The following MBD3L1 variants were observed in gnomAD, a reference collection of about 807,000 sequenced individuals.
MBD3L1 encodes methyl-CpG binding domain protein 3 like 1.
For missense variants in MBD3L1, 203 were observed against 230.1 expected, an observed-to-expected ratio of 0.88 and a Z score of 0.76; for synonymous variants, 84 against 85.1, an observed-to-expected ratio of 0.99 and a Z score of 0.07.
At chr19:8,833,910 C>T (rs890680403) in intron 1 of MBD3L1, among the ~76,000 whole-genome samples, 1 of 152,066 alleles carries the variant, frequency 6.6e-6, no homozygotes, top group Non-Finnish European at 1.5e-5. Context: ...ATAGCTTGAA[C>T]TCGGGAGGTG....
At chr19:8,839,040 G>C (rs115113676) in intron 1 of MBD3L1, among the ~76,000 whole-genome samples, 5,489 of 152,166 alleles carry the variant, frequency 0.036, 113 homozygotes, top group Middle Eastern at 0.13. Context: ...CTCCACATGA[G>C]ACCTTTTAAA....
chr19:8,837,602 A>C (rs1213343865), intron 1 of MBD3L1, among the ~76,000 whole-genome samples: 1 of 152,052 alleles, frequency 6.6e-6, no homozygotes, highest in Admixed American at 6.6e-5. Flanking sequence ...GCAGAGTGCA[A>C]AGTTTTGCCT....
chr19:8,839,270 C>T (rs1267498749), intron 1 of MBD3L1, among the ~76,000 whole-genome samples: 4 of 150,524 alleles, frequency 2.7e-5, no homozygotes, highest in Non-Finnish European at 5.9e-5. Context: ...CTGCAAGCTC[C>T]GCCTCCCAGG....
chr19:8,835,123 C>T (rs1327297489), intron 1 of MBD3L1, among the ~76,000 whole-genome samples: 1 of 151,334 alleles, frequency 6.6e-6, no homozygotes, highest in Non-Finnish European at 1.5e-5. Context: ...ACCATTTTGG[C>T]TCACTGCATC....
rs2044527037 is a variant in MBD3L1, at chr19:8,842,873, C to G, written c.195C>G (p.Val65=). 1.9e-6 allele frequency: 3 copies of G among 1,614,122 alleles called. No individual in the cohort carries two copies. In the Admixed American group the frequency reaches 5.0e-5, roughly 27 times the overall value. Residue 65 remains valine (V), a synonymous_variant, in exon 3 of 3, where the codon GTC becomes GTG. Coordinates refer to ENST00000595891, the MANE Select transcript of MBD3L1 (RefSeq NM_001393532.1). ...WEESLEKPQQ[V]CWQRRLQGLQ... Reference sequence around the variant, plus strand: ...AGAGCTTGGAGAAGCCTCAGCAGGTCTGCTGGCAGAGGAGACTGCAGGGAC... The same window carrying G: ...AGAGCTTGGAGAAGCCTCAGCAGGTGTGCTGGCAGAGGAGACTGCAGGGAC...
chr19:8,833,938 A>G (rs1212591507), intron 1 of MBD3L1, among the ~76,000 whole-genome samples: 7 of 152,122 alleles, frequency 4.6e-5, no homozygotes, highest in Non-Finnish European at 7.4e-5. Flanking sequence ...AAGTGAGCCG[A>G]GATTGCAGCC....
intron 1 of MBD3L1, among the ~76,000 whole-genome samples, chr19:8,838,025 G>C (rs2145347575): frequency 6.6e-6 from 1 of 151,774 alleles, no homozygotes; most frequent in East Asian, 1.9e-4. Flanking sequence ...GAGGCGGGCG[G>C]ATCATGACAT....
chr19:8,832,836 C>A (rs566081439), intron 1 of MBD3L1, among the ~76,000 whole-genome samples: 91 of 150,506 alleles, frequency 6.0e-4, no homozygotes, highest in African/African-American at 2.1e-3. Context: ...GTTGTGACAG[C>A]CCTGGAGGTT....
chr19:8,834,649 C>G (rs545654518), intron 1 of MBD3L1, among the ~76,000 whole-genome samples: 2 of 138,892 alleles, frequency 1.4e-5, no homozygotes, highest in African/African-American at 5.3e-5. Context: ...AAAAAAAAAA[C>G]CAACCAACCA....
At chr19:8,838,979 T>TC (rs778410207) in intron 1 of MBD3L1, among the ~76,000 whole-genome samples, 11 of 152,234 alleles carry the variant, frequency 7.2e-5, no homozygotes, top group Non-Finnish European at 1.5e-4. Flanking sequence ...ACAATTGTTC[T>TC]CCCCCAACCA....
Position 8,837,515 on chromosome 19 carries a change from C to T in MBD3L1, c.-106-3400C>T, listed in dbSNP as rs549012800. Among the ~76,000 whole-genome samples, 77 of 152,242 alleles carry T rather than the reference C, an allele frequency of 5.1e-4. 1 individual carries two copies. The highest frequency in any genetic ancestry group is 6.8e-3 in the Middle Eastern group (2 of 294). On this transcript the variant is annotated intron_variant, in intron 1 of 2. Coordinates refer to ENST00000595891, the MANE Select transcript of MBD3L1 (RefSeq NM_001393532.1). ...TCTAGGAATATAAAATTCCAGGGCT[C>T]GACAACCACTTAATGCCTGGACCCT...
rs1056943013 is a variant in MBD3L1, at chr19:8,840,990, G to A, written c.-31G>A. 2.3e-4 allele frequency: 35 copies of A among 151,366 alleles called. No homozygotes were observed. The highest frequency in any genetic ancestry group is 8.0e-4 in the African/African-American group (33 of 41,252). 9.4% of individuals were successfully genotyped at this position (151,366 alleles called of 1,614,324 possible). ...AAGTTTGAAGTTTTACAAGGCAGGT[G>A]TGATAAGTGGTAAGGAATTTTGGAT... is the stretch of plus-strand genomic sequence containing the variant. On this transcript the variant is annotated 5_prime_UTR_variant, in exon 2 of 3. In the 5' UTR this introduces an upstream ATG that the reference lacks. Coordinates refer to ENST00000595891, the MANE Select transcript of MBD3L1 (RefSeq NM_001393532.1).
Position 8,843,315 on chromosome 19 carries a change from A to C in MBD3L1, c.*52A>C. On this transcript the variant is annotated 3_prime_UTR_variant, in exon 3 of 3. Transcript: ENST00000595891. ...AAATAAAGTGTAATCCTTTATTAAC[A>C]TCTCTTTGCAGTGTCCCCAATGAGG... 1 of 1,360,958 alleles carries C rather than the reference A, an allele frequency of 7.3e-7. No individual in the cohort carries two copies. Among genetic ancestry groups the C allele is most frequent in the Non-Finnish European group, 9.8e-7 (1 of 1,020,898 alleles). The allele number at this position is 1,360,958 out of a possible 1,614,324, so 84.3% of individuals were successfully genotyped here.
intron 1 of MBD3L1, among the ~76,000 whole-genome samples, chr19:8,840,429 A>G: frequency 6.6e-6 from 1 of 151,900 alleles, no homozygotes; most frequent in African/African-American, 2.4e-5. Flanking sequence ...GGCCTCCCTC[A>G]CTCAGCTGGG....
At chr19:8,835,230 TTA>T (rs1258786691) in intron 1 of MBD3L1, among the ~76,000 whole-genome samples, 1 of 152,092 alleles carries the variant, frequency 6.6e-6, no homozygotes, top group Non-Finnish European at 1.5e-5. Flanking sequence ...TTTTGTATTT[TTA>T]GCAGAGAGAG....
intron 2 of MBD3L1, among the ~76,000 whole-genome samples, chr19:8,841,638 C>T (rs574746483): frequency 1.3e-5 from 2 of 152,232 alleles, no homozygotes; most frequent in South Asian, 2.1e-4. Flanking sequence ...CTCACTGCCA[C>T]CTCCAGCTCC....
rs534913647 is a variant in MBD3L1, at chr19:8,835,808, TGTG to T, written c.-107+3289_-107+3291del. 7.9e-5 allele frequency among the ~76,000 whole-genome samples: 12 copies of T among 152,372 alleles called. No individual in the cohort carries two copies. In the South Asian group the frequency reaches 2.3e-3, roughly 29 times the overall value. Reference sequence around the variant, plus strand: ...TCAACTGATGAATGGATAAATAAAATGTGGTATATCCACACAACGGATTATTAT... The same window carrying T: ...TCAACTGATGAATGGATAAATAAAATGTATATCCACACAACGGATTATTAT... On this transcript the variant is annotated intron_variant, in intron 1 of 2. Coordinates refer to ENST00000595891, the MANE Select transcript of MBD3L1 (RefSeq NM_001393532.1).
intron 1 of MBD3L1, among the ~76,000 whole-genome samples, chr19:8,837,422 T>C (rs1234349110): frequency 6.6e-6 from 1 of 152,188 alleles, no homozygotes; most frequent in Non-Finnish European, 1.5e-5. Context: ...TCGGGATATA[T>C]TGTTAGATGT....
At chr19:8,836,886 T>C (rs1286678442) in intron 1 of MBD3L1, among the ~76,000 whole-genome samples, 2 of 152,218 alleles carry the variant, frequency 1.3e-5, no homozygotes, top group African/African-American at 4.8e-5. Context: ...TGTGGGCTCA[T>C]ATCATTATTA....
Sources: allele counts gnomAD v4.1 joint callset (sites outside exome capture counted in the v4.1 genomes callset), GRCh38; gene constraint gnomAD v4.1.1; transcripts MANE v1.5; gene names NCBI Gene and HGNC (gene_info 2026-07-23, HGNC 2026-07-21).